PPP6R1: variants seen among roughly 807,000 people sequenced by gnomAD.
PPP6R1 encodes the protein protein phosphatase 6 regulatory subunit 1.
A neutral mutation model predicts 104.6 loss-of-function variants in PPP6R1; 39 were observed. That is an observed-to-expected ratio of 0.37 (90% confidence interval 0.29 to 0.49). The LOEUF (loss-of-function observed/expected upper bound fraction) is 0.49, where lower values mean the gene tolerates loss of function less well. PPP6R1 is among the 20% of genes least tolerant of loss of function. The probability of loss-of-function intolerance (pLI) is 0.98; values close to 1 mark genes in which losing one functional copy is unlikely to be tolerated. For synonymous variants in PPP6R1, 549 were observed against 479.0 expected (o/e 1.15, Z -1.91); for missense variants, 1,181 against 1,155.8 (o/e 1.02, Z -0.32).
chr19:55,257,829 G>A (rs879826894), intron 1 of PPP6R1, among the ~76,000 whole-genome samples: 4 of 152,266 alleles, frequency 2.6e-5, no homozygotes, highest in Admixed American at 2.6e-4. Flanking sequence ...CCCAGCGCCA[G>A]GCTCCCTGCC....
chr19:55,243,003 G>A (rs1414306642), intron 5 of PPP6R1, among the ~76,000 whole-genome samples: 1 of 152,088 alleles, frequency 6.6e-6, no homozygotes, highest in African/African-American at 2.4e-5. Context: ...GGGCTAAGAA[G>A]AGAAAGGGGA....
At chr19:55,243,290 G>A (rs927417588) in intron 5 of PPP6R1, among the ~76,000 whole-genome samples, 1 of 151,822 alleles carries the variant, frequency 6.6e-6, no homozygotes, top group South Asian at 2.1e-4. Flanking sequence ...GTAGGCGCCT[G>A]TAGTCCCAGC....
intron 1 of PPP6R1, among the ~76,000 whole-genome samples, chr19:55,247,954 G>C (rs2087524034): frequency 6.6e-6 from 1 of 152,232 alleles, no homozygotes; most frequent in Non-Finnish European, 1.5e-5. Flanking sequence ...TCCCCATCTG[G>C]AGCTGGCTCC....
At chr19:55,258,261 AG>A (rs1431903193) in intron 1 of PPP6R1, among the ~76,000 whole-genome samples, 173 bp downstream of exon 1, 2 of 152,062 alleles carry the variant, frequency 1.3e-5, no homozygotes, top group Admixed American at 6.5e-5. Context: ...GGGAGGGTCG[AG>A]GGGGAAGAAA....
intron 1 of PPP6R1, among the ~76,000 whole-genome samples, chr19:55,248,930 C>T (rs1459277159): frequency 6.6e-6 from 1 of 152,222 alleles, no homozygotes; most frequent in East Asian, 1.9e-4. Context: ...ACCCTGACCA[C>T]CCTAAGGCTG....
At chr19:55,242,597 C>A in intron 5 of PPP6R1, 109 bp from the exon 6 acceptor site, 2 of 889,290 alleles carry the variant, frequency 2.2e-6, no homozygotes, top group East Asian at 2.5e-5. Flanking sequence ...AAATGGTCAC[C>A]CAGACACAGG....
downstream of PPP6R1, chr19:55,228,328 C>A (rs755892819): frequency 1.2e-6 from 2 of 1,613,904 alleles, no homozygotes; most frequent in East Asian, 4.5e-5. Flanking sequence ...GACGGGCAGG[C>A]ACTTGACCAG....
At chr19:55,232,503 AT>A (rs2087359008) in intron 17 of PPP6R1, 4 of 414,934 alleles carry the variant, frequency 9.6e-6, no homozygotes, top group African/African-American at 8.1e-5. Flanking sequence ...AGCCTCAGCC[AT>A]GGCAACCAGA....
chr19:55,239,350 C>T, intron 15 of PPP6R1, 55 bp downstream of exon 15: 21 of 1,518,710 alleles, frequency 1.4e-5, no homozygotes, highest in Non-Finnish European at 1.8e-5. Flanking sequence ...CAAGTAGGCG[C>T]GCCTGCTGCT....
intron 15 of PPP6R1, among the ~76,000 whole-genome samples, chr19:55,237,208 T>C (rs1341053463): frequency 2.0e-5 from 3 of 152,198 alleles, no homozygotes; most frequent in Non-Finnish European, 4.4e-5. Context: ...GGTAGGCTGT[T>C]TCCCTTGGCT....
At chr19:55,242,338 T>A in intron 6 of PPP6R1, 38 bp downstream of exon 6, 1 of 1,612,282 alleles carries the variant, frequency 6.2e-7, no homozygotes, top group Admixed American at 1.7e-5. Context: ...CTTCCCCAAG[T>A]CAGCTCCCCC....
chr19:55,244,552 C>T lies in PPP6R1; in HGVS notation c.618+568G>A, dbSNP rs114523505. ...TGGGCAGGGACGGATGTGGGGCCAG[C>T]GCTTGGACAGGCGATGAGGAGGGCC... On this transcript the variant is annotated intron_variant, in intron 5 of 23. Transcript: ENST00000412770. Among the ~76,000 whole-genome samples, 1,345 of 152,256 alleles carry T rather than the reference C, an allele frequency of 8.8e-3. 17 individuals are homozygous for T. Among genetic ancestry groups the T allele is most frequent in the African/African-American group, 0.03 (1,255 of 41,542 alleles).
At position 55,245,455 on chromosome 19, in the gene PPP6R1, T is replaced by C. The variant is rs1161173582; in HGVS notation, c.414+37A>G. The C allele has an allele frequency of 1.2e-6, 2 of 1,611,186 alleles. No homozygotes were observed. Among genetic ancestry groups the C allele is most frequent in the Non-Finnish European group, 8.5e-7 (1 of 1,178,622 alleles). ...CAGGGCCTGGCCCAGCCACCACCCC[T>C]CAACCCACGGTGGCGCCAGGGTGGG... On this transcript the variant is annotated intron_variant, in intron 3 of 23. Coordinates refer to ENST00000412770, the MANE Select transcript of PPP6R1 (RefSeq NM_014931.4). The surrounding 1 kb of genome is among the most constrained non-coding windows in gnomAD (Gnocchi z 6.4).
rs1470545427 is a variant in PPP6R1, at chr19:55,240,373, G to A, written c.1297-73C>T. ...TGTGGGGAGCTCTGCACTGCAGCAG[G>A]GGTCCCTTCCTCAGCAGATGCTTCA... On this transcript the variant is annotated intron_variant, in intron 10 of 23. Transcript: ENST00000412770. 9 of 1,428,326 alleles carry A rather than the reference G, an allele frequency of 6.3e-6. No individual in the cohort carries two copies. The African/African-American group carries it at 9.9e-5, about 16-fold the overall frequency. The allele number at this position is 1,428,326 out of a possible 1,614,324, so 88.5% of individuals were successfully genotyped here.
At chr19:55,249,323 C>T (rs1239881514) in intron 1 of PPP6R1, among the ~76,000 whole-genome samples, 1 of 152,276 alleles carries the variant, frequency 6.6e-6, no homozygotes, top group East Asian at 1.9e-4. Context: ...TTCACCTCAA[C>T]CTTCACCTCC....
At chr19:55,235,751 C>A (rs1568944337) in intron 17 of PPP6R1, among the ~76,000 whole-genome samples, 1 of 151,794 alleles carries the variant, frequency 6.6e-6, no homozygotes, top group Admixed American at 6.6e-5. Flanking sequence ...ATCTCCTGAC[C>A]TCGTGATCCG....
intron 1 of PPP6R1, 100 bp from the exon 2 acceptor site, chr19:55,247,209 G>A: frequency 4.0e-6 from 5 of 1,247,628 alleles, no homozygotes; most frequent in Non-Finnish European, 5.7e-6. Flanking sequence ...CTTGGGCACA[G>A]CCTCTCCCCA....
Position 55,237,067 on chromosome 19 carries a change from C to T in PPP6R1, c.1752-97G>A. On this transcript the variant is annotated intron_variant, in intron 15 of 23. Coordinates refer to ENST00000412770, the MANE Select transcript of PPP6R1 (RefSeq NM_014931.4). ...CTTTCTTCACTCAACACAGAGCTGACCCTCATTACTTGCAGATTTGGTATC... is the reference window on the plus strand; with the variant it reads ...CTTTCTTCACTCAACACAGAGCTGATCCTCATTACTTGCAGATTTGGTATC... 14 of 1,306,742 alleles carry T rather than the reference C, an allele frequency of 1.1e-5. 1 individual carries two copies. In the South Asian group the frequency reaches 1.8e-4, roughly 16 times the overall value. 80.9% of individuals were successfully genotyped at this position (1,306,742 alleles called of 1,614,324 possible).
In PPP6R1 at chr19:55,231,405, C is replaced by G; in HGVS notation, c.2459+5G>C. 2.5e-6 allele frequency: 4 copies of G among 1,591,106 alleles called. No homozygotes were observed. Among genetic ancestry groups the G allele is most frequent in the Non-Finnish European group, 3.4e-6 (4 of 1,169,736 alleles). On this transcript the variant is annotated splice_donor_5th_base_variant and intron_variant, in intron 21 of 23. Coordinates refer to ENST00000412770, the MANE Select transcript of PPP6R1 (RefSeq NM_014931.4). ...GATACTAGGCAGCCCCACCTCGCTG[C>G]TCACCTGTCCGAGGAGCTGGGGGCA...
Sources: allele counts gnomAD v4.1 joint callset (sites outside exome capture counted in the v4.1 genomes callset), GRCh38; gene constraint gnomAD v4.1.1; non-coding constraint Gnocchi (gnomAD v3.1); transcripts MANE v1.5; gene names NCBI Gene and HGNC (gene_info 2026-07-23, HGNC 2026-07-21).